MAP3K10: variants seen among roughly 807,000 people sequenced by gnomAD.
MAP3K10 encodes the protein mitogen-activated protein kinase kinase kinase 10.
A neutral mutation model predicts 75.0 loss-of-function variants in MAP3K10; 22 were observed. That is an observed-to-expected ratio of 0.29 (90% CI 0.21 to 0.42). MAP3K10 has a LOEUF of 0.42. Ranked by LOEUF, MAP3K10 falls within the 10% of genes least tolerant of loss-of-function variation. MAP3K10 has a pLI of 1.00. For missense variants in MAP3K10, 1,165 were observed against 1,379.8 expected (o/e 0.84, Z 2.47); for synonymous variants, 599 against 612.9 (o/e 0.98, Z 0.34).
At position 40,215,102 on chromosome 19, in the gene MAP3K10, G is replaced by T; in HGVS notation, c.2675G>T (p.Ser892Ile). 4 of 1,610,472 alleles carry T rather than the reference G, an allele frequency of 2.5e-6. No homozygotes were observed. The highest frequency in any genetic ancestry group is 3.4e-6 in the Non-Finnish European group (4 of 1,178,906). ...GCCCCGAGACCTCGGCCGGCTGCCA[G>T]TCGCCCCCGCTTGGACCCCTGGAAA... ...TFAPRPRPAA[S>I]RPRLDPWKLV... Residue 892 changes from serine (S) to isoleucine (I), a missense_variant, in exon 10 of 10, where the codon AGT becomes ATT. Coordinates refer to ENST00000253055, the MANE Select transcript of MAP3K10 (RefSeq NM_002446.4).
chr19:40,201,953 C>T (rs1408575616), intron 2 of MAP3K10, among the ~76,000 whole-genome samples: 1 of 151,802 alleles, frequency 6.6e-6, no homozygotes, highest in African/African-American at 2.4e-5. Context: ...TTGCCTAATG[C>T]TCTCCCTCCC....
At chr19:40,206,263 T>TAAAACA in intron 5 of MAP3K10, 106 bp downstream of exon 5, 1 of 1,358,530 alleles carries the variant, frequency 7.4e-7, no homozygotes, top group Non-Finnish European at 9.9e-7. Flanking sequence ...TATTGCTAAA[T>TAAAACA]ATATCGCACA....
In MAP3K10 at chr19:40,212,519, C is replaced by T. The variant is rs1320124592; in HGVS notation, c.1553-286C>T. ...CTGGAGACCAGAAGCGCAGGCAGCCCGCCAGAATGAATGGTGAAGGGTTAG... is the reference window on the plus strand; with the variant it reads ...CTGGAGACCAGAAGCGCAGGCAGCCTGCCAGAATGAATGGTGAAGGGTTAG... On this transcript the variant is annotated intron_variant, in intron 6 of 9. Coordinates refer to ENST00000253055, the MANE Select transcript of MAP3K10 (RefSeq NM_002446.4). This position sits in a 1 kb window ranked among gnomAD's most constrained non-coding sequence, Gnocchi z 4.2. 1.3e-5 allele frequency among the ~76,000 whole-genome samples: 2 copies of T among 152,176 alleles called. No individual in the cohort carries two copies. The highest frequency in any genetic ancestry group is 1.9e-4 in the East Asian group (1 of 5,194).
rs1972827557 is a variant in MAP3K10 at position 40,192,115 on chromosome 19, G to A, written c.84G>A (p.Glu28=). Reference sequence around the variant, plus strand: ...TCTGGACCGCGGTGTTCGACTACGAGGCGGCGGGCGACGAGGAGCTGACCC... The same window carrying A: ...TCTGGACCGCGGTGTTCGACTACGAAGCGGCGGGCGACGAGGAGCTGACCC... ...GPVWTAVFDY[E]AAGDEELTLR... Residue 28 remains glutamate, a synonymous_variant, in exon 1 of 10, where the codon GAG becomes GAA. Transcript: ENST00000253055. This position sits in a 1 kb window ranked among gnomAD's most constrained non-coding sequence, Gnocchi z 7.1. The A allele has an allele frequency of 3.2e-6, 5 of 1,568,262 alleles. No homozygotes were observed. Among genetic ancestry groups the A allele is most frequent in the Non-Finnish European group, 4.3e-6 (5 of 1,160,320 alleles).
At chr19:40,208,366 T>TTTTTTTTTTTTA (rs1408319138) in intron 5 of MAP3K10, among the ~76,000 whole-genome samples, 2 of 131,482 alleles carry the variant, frequency 1.5e-5, no homozygotes, top group African/African-American at 5.7e-5. Context: ...TTTTTTTTTT[T>TTTTTTTTTTTTA]TTTGTATTTT....
chr19:40,214,002 T>TGCCCCCCCCCCCCCCCCCCC lies in MAP3K10; in HGVS notation c.2323_2324insGCCCCCCCCCCCCCCCCCCC (p.Ser775CysfsTer54). 7 of 1,493,668 alleles carry TGCCCCCCCCCCCCCCCCCCC rather than the reference T, an allele frequency of 4.7e-6. No homozygotes were observed. The highest frequency in any genetic ancestry group is 5.3e-6 in the Non-Finnish European group (6 of 1,123,852). 92.5% of individuals were successfully genotyped at this position (1,493,668 alleles called of 1,614,324 possible). A position where few individuals can be genotyped will look rare whatever the true frequency, so the allele number is the denominator to read the frequency against. Reference sequence around the variant, plus strand: ...TGACGAGGCCGCACCGGCCGCGCCCTCCCCACCACCCTCCCCGCCCGCGCC... The same window carrying TGCCCCCCCCCCCCCCCCCCC: ...TGACGAGGCCGCACCGGCCGCGCCCTGCCCCCCCCCCCCCCCCCCCCCCCACCACCCTCCCCGCCCGCGCC... On this transcript the variant is annotated frameshift_variant, in exon 9 of 10. Coordinates refer to ENST00000253055, the MANE Select transcript of MAP3K10 (RefSeq NM_002446.4). LOFTEE classifies it high-confidence loss of function.
Position 40,206,054 on chromosome 19 carries a change from G to C in MAP3K10, c.1332G>C (p.Gln444His). The change falls in exon 5 of 10, where the codon CAG (glutamine) becomes CAC (histidine). Residue 444 changes from glutamine to histidine, a missense_variant. This residue lies in a region of MAP3K10 where 575 missense variants were observed against 793.2 expected (regional missense o/e 0.72). Coordinates refer to ENST00000253055, the MANE Select transcript of MAP3K10 (RefSeq NM_002446.4). ...GGGAGCTGCACCTGCTCATGTGCCAGCTGAGCCAGGAGAAGCCCCGGGTCC... is the reference window on the plus strand; with the variant it reads ...GGGAGCTGCACCTGCTCATGTGCCACCTGAGCCAGGAGAAGCCCCGGGTCC... ...VERELHLLMCQLSQEKPRVRK... is the reference protein window; with the variant it reads ...VERELHLLMCHLSQEKPRVRK... The C allele has an allele frequency of 6.2e-7, 1 of 1,613,416 alleles. No homozygotes were observed. Among genetic ancestry groups the C allele is most frequent in the South Asian group, 1.1e-5 (1 of 90,992 alleles).
Position 40,212,706 on chromosome 19 carries a change from C to A in MAP3K10, c.1553-99C>A. 1 of 1,478,918 alleles carries A rather than the reference C, an allele frequency of 6.8e-7. No individual in the cohort carries two copies. Among genetic ancestry groups the A allele is most frequent in the Non-Finnish European group, 9.1e-7 (1 of 1,099,026 alleles). 91.6% of individuals were successfully genotyped at this position (1,478,918 alleles called of 1,614,324 possible). A position where few individuals can be genotyped will look rare whatever the true frequency, so the allele number is the denominator to read the frequency against. On this transcript the variant is annotated intron_variant, in intron 6 of 9. Transcript: ENST00000253055. The surrounding 1 kb of genome is among the most constrained non-coding windows in gnomAD (Gnocchi z 4.2). The stretch of plus-strand genomic sequence containing the variant: ...TGGAGTTCAAAAGAGCCCTTGGACT[C>A]CCAGGCGGAGGGTGGGCCTGAGCTG...
chr19:40,208,169 G>A (rs1973157615), intron 5 of MAP3K10, among the ~76,000 whole-genome samples: 1 of 151,226 alleles, frequency 6.6e-6, no homozygotes, highest in East Asian at 2.0e-4. Flanking sequence ...TTGTTTTTTT[G>A]TTTTTGTTTT....
Position 40,214,102 on chromosome 19 carries a change from A to G in MAP3K10, c.2423A>G (p.Gln808Arg). 1 of 1,438,030 alleles carries G rather than the reference A, an allele frequency of 7.0e-7. No homozygotes were observed. The highest frequency in any genetic ancestry group is 9.2e-7 in the Non-Finnish European group (1 of 1,083,578). 89.1% of individuals were successfully genotyped at this position (1,438,030 alleles called of 1,614,324 possible). A position where few individuals can be genotyped will look rare whatever the true frequency, so the allele number is the denominator to read the frequency against. ...GAGAGCTTCAAGAAGGACCCCCGCC[A>G]GTCGCTCACGCCCACCCACGTCACG... ...ELESFKKDPR[Q>R]SLTPTHVTAA... The change falls in exon 9 of 10, where the codon CAG becomes CGG. Residue 808 changes from glutamine to arginine, a missense_variant. By Grantham distance (43) the Gln-to-Arg change is conservative. Coordinates refer to ENST00000253055, the MANE Select transcript of MAP3K10 (RefSeq NM_002446.4).
At chr19:40,211,143 C>T (rs753387626) in intron 6 of MAP3K10, among the ~76,000 whole-genome samples, 3 of 152,010 alleles carry the variant, frequency 2.0e-5, no homozygotes, top group East Asian at 1.9e-4. Flanking sequence ...ATGCCCCTGG[C>T]GGAGGGAGCA....
rs183472686 is a variant in MAP3K10, at chr19:40,204,944, G to A, written c.1013-177G>A. 3.0e-4 allele frequency: 202 copies of A among 674,368 alleles called. No homozygotes were observed. The East Asian group carries it at 4.8e-3, about 16-fold the overall frequency. 41.8% of individuals were successfully genotyped at this position (674,368 alleles called of 1,614,324 possible). ...CAGGTCCCAGGGTTTCTCTCCCAGC[G>A]TTTCACTGAGTGGAATTGGCCAGGA... On this transcript the variant is annotated intron_variant, in intron 3 of 9. Coordinates refer to ENST00000253055, the MANE Select transcript of MAP3K10 (RefSeq NM_002446.4). The surrounding 1 kb of genome is among the most constrained non-coding windows in gnomAD (Gnocchi z 4.3).
intron 1 of MAP3K10, among the ~76,000 whole-genome samples, chr19:40,194,979 A>G (rs1972879654): frequency 1.3e-5 from 2 of 152,208 alleles, no homozygotes; most frequent in Admixed American, 6.6e-5. Context: ...GGAAGGCAAC[A>G]TTTGAGCAGA....
chr19:40,192,771 G>A lies in MAP3K10; in HGVS notation c.682+58G>A. On this transcript the variant is annotated intron_variant, in intron 1 of 9. Coordinates refer to ENST00000253055, the MANE Select transcript of MAP3K10 (RefSeq NM_002446.4). This position sits in a 1 kb window ranked among gnomAD's most constrained non-coding sequence, Gnocchi z 7.1. ...ACAGAACCTCTCAAGGCCAGGCCTAGGTGGTGGGAAACAGGGTGAGGGACA... is the reference window on the plus strand; with the variant it reads ...ACAGAACCTCTCAAGGCCAGGCCTAAGTGGTGGGAAACAGGGTGAGGGACA... The A allele has an allele frequency of 7.2e-7, 1 of 1,383,534 alleles. No individual in the cohort carries two copies. The highest frequency in any genetic ancestry group is 2.6e-5 in the Admixed American group (1 of 38,036). The allele number at this position is 1,383,534 out of a possible 1,614,324, so 85.7% of individuals were successfully genotyped here. A position where few individuals can be genotyped will look rare whatever the true frequency, so the allele number is the denominator to read the frequency against.
intron 1 of MAP3K10, among the ~76,000 whole-genome samples, chr19:40,195,084 G>A (rs1972880979): frequency 6.6e-6 from 1 of 152,194 alleles, no homozygotes; most frequent in South Asian, 2.1e-4. Flanking sequence ...TCTCACTGGA[G>A]AACAGCAAGA....
chr19:40,214,170 G>A lies in MAP3K10; in HGVS notation c.2491G>A (p.Asp831Asn). Residue 831 changes from aspartate to asparagine, a missense_variant, in exon 9 of 10, where the codon GAC becomes AAC. Physicochemically the swap from Asp to Asn is conservative, Grantham distance 23 (BLOSUM62 1). Transcript: ENST00000253055. ...VSRGHRRTPSDGALGQRGPPE... is the reference protein window; with the variant it reads ...VSRGHRRTPSNGALGQRGPPE... ...CCGCGGGCACCGGCGGACGCCATCG[G>A]ACGGGGCGCTGGGGCAGCGGGGGCC... 6.6e-7 allele frequency: 1 copy of A among 1,513,468 alleles called. No homozygotes were observed. Among genetic ancestry groups the A allele is most frequent in the South Asian group, 1.2e-5 (1 of 80,842 alleles). The allele number at this position is 1,513,468 out of a possible 1,614,324, so 93.8% of individuals were successfully genotyped here. A position where few individuals can be genotyped will look rare whatever the true frequency, so the allele number is the denominator to read the frequency against.
intron 5 of MAP3K10, among the ~76,000 whole-genome samples, chr19:40,207,087 A>T (rs1013808507): frequency 1.3e-5 from 2 of 152,194 alleles, no homozygotes; most frequent in African/African-American, 4.8e-5. Context: ...TGACAGAGTG[A>T]GACTCTGTCA....
chr19:40,204,815 C>A lies in MAP3K10; in HGVS notation c.1012+182C>A. The A allele has an allele frequency of 1.3e-6, 1 of 749,592 alleles. No homozygotes were observed. The highest frequency in any genetic ancestry group is 2.1e-6 in the Non-Finnish European group (1 of 474,964). The allele number at this position is 749,592 out of a possible 1,614,324, so 46.4% of individuals were successfully genotyped here. A position where few individuals can be genotyped will look rare whatever the true frequency, so the allele number is the denominator to read the frequency against. Reference sequence around the variant, plus strand: ...TGGCTCCATCCCCCACATCCCAGCCCTTGTTTGGGCCAGGCCCAGAGCTCT... The same window carrying A: ...TGGCTCCATCCCCCACATCCCAGCCATTGTTTGGGCCAGGCCCAGAGCTCT... On this transcript the variant is annotated intron_variant, in intron 3 of 9. Coordinates refer to ENST00000253055, the MANE Select transcript of MAP3K10 (RefSeq NM_002446.4). This position sits in a 1 kb window ranked among gnomAD's most constrained non-coding sequence, Gnocchi z 4.3.
Position 40,204,111 on chromosome 19 carries a change from C to G in MAP3K10, c.864-374C>G, listed in dbSNP as rs1350061649. Among the ~76,000 whole-genome samples the G allele has an allele frequency of 6.6e-6, 1 of 152,188 alleles. No individual in the cohort carries two copies. The highest frequency in any genetic ancestry group is 6.5e-5 in the Admixed American group (1 of 15,286). ...GTGGCTCATGCCTGTAATCCCAGCA[C>G]TTTGGGAAGCCCAGGCAGGAGGATC... On this transcript the variant is annotated intron_variant, in intron 2 of 9. Coordinates refer to ENST00000253055, the MANE Select transcript of MAP3K10 (RefSeq NM_002446.4). This position sits in a 1 kb window ranked among gnomAD's most constrained non-coding sequence, Gnocchi z 4.3.
Sources: gnomAD v4.1 joint callset for allele counts (sites outside exome capture counted in the v4.1 genomes callset) on GRCh38, gnomAD v4.1.1 for gene constraint, gnomAD v4.1.1 regional missense constraint, Gnocchi (gnomAD v3.1) non-coding constraint, MANE v1.5 for transcripts, NCBI Gene and HGNC (gene_info 2026-07-23, HGNC 2026-07-21) for gene names.